Variants in SDK1 observed in about 807,000 individuals in gnomAD.
SDK1 encodes the protein sidekick cell adhesion molecule 1, also known as protein sidekick-1.
In SDK1, 157 loss-of-function variants were observed where a neutral mutation model predicts 245.5. The ratio of observed to expected loss-of-function variants is 0.64; its 90% CI spans 0.56 to 0.73. SDK1 has a LOEUF of 0.73. Among genes scored for constraint, SDK1 ranks in the 30% least tolerant of loss-of-function variants. SDK1 has a pLI of 0.00. For synonymous variants in SDK1, 1,647 were observed against 1,278.5 expected (o/e 1.29, Z -6.15); for missense variants, 3,583 against 3,002.3 (o/e 1.19, Z -4.52).
At chr7:3,813,346 G>A (rs896315852) in intron 4 of SDK1, among the ~76,000 whole-genome samples, 4 of 146,170 alleles carry the variant, frequency 2.7e-5, no homozygotes, top group Non-Finnish European at 5.9e-5. Context: ...CCACCTATGA[G>A]TGAGAATAGG....
At chr7:3,998,312 C>T (rs1336169427) in intron 14 of SDK1, among the ~76,000 whole-genome samples, 2 of 152,244 alleles carry the variant, frequency 1.3e-5, no homozygotes, top group Admixed American at 6.5e-5. Context: ...ATGGCAGCGG[C>T]AGGCTGTCTA....
chr7:4,265,854 C>G lies in SDK1; in HGVS notation c.*470C>G. ...CACCCTTCTCAACGCAGGACATCCTCGGCGGCTCCTGGGGTTTGAAGAGCA... is the reference window on the plus strand; with the variant it reads ...CACCCTTCTCAACGCAGGACATCCTGGGCGGCTCCTGGGGTTTGAAGAGCA... On this transcript the variant is annotated 3_prime_UTR_variant, in exon 45 of 45. Transcript: ENST00000404826. 1.0e-6 allele frequency: 1 copy of G among 989,668 alleles called. No homozygotes were observed. The highest frequency in any genetic ancestry group is 1.2e-6 in the Non-Finnish European group (1 of 833,146). 61.3% of individuals were successfully genotyped at this position (989,668 alleles called of 1,614,324 possible).
At chr7:3,351,994 A>G (rs1426481658) in intron 1 of SDK1, among the ~76,000 whole-genome samples, 1 of 152,086 alleles carries the variant, frequency 6.6e-6, no homozygotes, top group Non-Finnish European at 1.5e-5. Flanking sequence ...AAGTATTGAT[A>G]AATTTCAAAT....
At chr7:4,127,577 C>A in intron 26 of SDK1, 81 bp downstream of exon 26, 2 of 984,344 alleles carry the variant, frequency 2.0e-6, no homozygotes, top group East Asian at 2.4e-5. Flanking sequence ...CCCAAAGCAA[C>A]GAGCTTCCTC....
rs770627504 is a variant in SDK1, at chr7:4,051,755, A to G, written c.2836A>G (p.Thr946Ala). Residue 946 changes from threonine to alanine, a missense_variant, in exon 19 of 45, where the codon ACT becomes GCT. Thr to Ala is a moderately conservative substitution (Grantham distance 58). Transcript: ENST00000404826. ...CCTGAAGAAGTTTACCGCCTACTTC[A>G]CTTCCGTTCTGTGCTTCACCACCCC... ...TNLKKFTAYF[T>A]SVLCFTTPGD... The G allele has an allele frequency of 3.1e-6, 5 of 1,613,918 alleles. No homozygotes were observed. In the South Asian group the frequency reaches 4.4e-5, roughly 14 times the overall value.
chr7:3,429,494 C>T (rs114755368), intron 1 of SDK1, among the ~76,000 whole-genome samples: 2 of 151,864 alleles, frequency 1.3e-5, no homozygotes, highest in African/African-American at 4.8e-5. Flanking sequence ...GGGAGTGCAT[C>T]TCTCATTTTT....
intron 4 of SDK1, among the ~76,000 whole-genome samples, chr7:3,816,423 G>A (rs1012665184): frequency 1.3e-4 from 19 of 148,380 alleles, no homozygotes; most frequent in African/African-American, 1.8e-4. Context: ...TATCACCACC[G>A]ATCCCACAGA....
intron 1 of SDK1, among the ~76,000 whole-genome samples, chr7:3,562,055 G>T (rs762406889): frequency 3.9e-5 from 6 of 152,198 alleles, no homozygotes; most frequent in Admixed American, 6.5e-5. Flanking sequence ...ACAGCTGTGT[G>T]TACATAGTTG....
At chr7:4,130,712 G>A (rs547577467) in intron 27 of SDK1, among the ~76,000 whole-genome samples, 9 of 152,244 alleles carry the variant, frequency 5.9e-5, no homozygotes, top group East Asian at 1.9e-4. Context: ...CTAAATCATC[G>A]GTAAATATGT....
chr7:3,738,918 G>A (rs1779397364), intron 4 of SDK1, among the ~76,000 whole-genome samples: 2 of 151,668 alleles, frequency 1.3e-5, no homozygotes, highest in Non-Finnish European at 1.5e-5. Context: ...CAGGTTTTTT[G>A]TGGAATCTTT....
At chr7:3,440,464 C>G (rs1583861224) in intron 1 of SDK1, among the ~76,000 whole-genome samples, 1 of 140,872 alleles carries the variant, frequency 7.1e-6, no homozygotes. Context: ...GACCATTAGA[C>G]TCAGTTAGCC....
chr7:3,647,239 A>T lies in SDK1; in HGVS notation c.713+5134A>T, dbSNP rs572349692. Among the ~76,000 whole-genome samples the T allele has an allele frequency of 6.6e-5, 10 of 152,258 alleles. No homozygotes were observed. In the East Asian group the frequency reaches 1.9e-3, roughly 29 times the overall value. Reference sequence around the variant, plus strand: ...GCAGTCTAGCCTGGATGGTAAAGTGAGACCCTCTCTCTATTTTTTAAATTA... The same window carrying T: ...GCAGTCTAGCCTGGATGGTAAAGTGTGACCCTCTCTCTATTTTTTAAATTA... On this transcript the variant is annotated intron_variant, in intron 4 of 44. Coordinates refer to ENST00000404826, the MANE Select transcript of SDK1 (RefSeq NM_152744.4).
chr7:3,918,452 A>T (rs996481025), intron 5 of SDK1, among the ~76,000 whole-genome samples: 1 of 152,176 alleles, frequency 6.6e-6, no homozygotes, highest in African/African-American at 2.4e-5. Context: ...CACACGCCTT[A>T]TGAGAATCTA....
At chr7:3,935,819 G>A (rs1380214367) in intron 5 of SDK1, among the ~76,000 whole-genome samples, 3 of 152,216 alleles carry the variant, frequency 2.0e-5, no homozygotes, top group Non-Finnish European at 1.5e-5. Context: ...GTAGCCTTTG[G>A]AAAACAGCAT....
chr7:3,723,909 C>CAT lies in SDK1; in HGVS notation c.713+81814_713+81815dup, dbSNP rs1156845663. On this transcript the variant is annotated intron_variant, in intron 4 of 44. Transcript: ENST00000404826. ...ATATATACACGTGTATATACACGTA[C>CAT]ATATATATATACACGTATATATATA... Among the ~76,000 whole-genome samples, 22 of 118,568 alleles carry CAT rather than the reference C, an allele frequency of 1.9e-4. 1 individual carries two copies. The highest frequency in any genetic ancestry group is 4.5e-4 in the East Asian group (2 of 4,484). 77.8% of individuals were successfully genotyped at this position (118,568 alleles called of 152,430 possible). A position where few individuals can be genotyped will look rare whatever the true frequency, so the allele number is the denominator to read the frequency against.
chr7:3,805,459 C>G (rs1779218578), intron 4 of SDK1, among the ~76,000 whole-genome samples: 1 of 152,184 alleles, frequency 6.6e-6, no homozygotes, highest in Non-Finnish European at 1.5e-5. Flanking sequence ...TCTTTGCTTT[C>G]TTGCTATATG....
chr7:4,140,413 C>T (rs1422931266), intron 28 of SDK1, among the ~76,000 whole-genome samples: 3 of 152,306 alleles, frequency 2.0e-5, no homozygotes, highest in East Asian at 1.9e-4. Context: ...CCAAGTGGGA[C>T]CCCCGGCCCC....
chr7:3,594,074 C>T (rs1562588859), intron 1 of SDK1, among the ~76,000 whole-genome samples: 1 of 152,126 alleles, frequency 6.6e-6, no homozygotes. Context: ...CAAAAGAAAC[C>T]ATGTACCTAC....
At chr7:4,120,929 T>TA (rs1216291142) in intron 25 of SDK1, among the ~76,000 whole-genome samples, 146 of 141,432 alleles carry the variant, frequency 1.0e-3, no homozygotes, top group East Asian at 1.4e-3. Context: ...AACACTCTTT[T>TA]AAAAAAAAAA....
Sources: gnomAD v4.1 joint callset for allele counts (sites outside exome capture counted in the v4.1 genomes callset) on GRCh38, gnomAD v4.1.1 for gene constraint, MANE v1.5 for transcripts, NCBI Gene and HGNC (gene_info 2026-07-23, HGNC 2026-07-21) for gene names.